SYDE2: variants seen among roughly 807,000 people sequenced by gnomAD.
SYDE2 encodes synapse defective Rho GTPase homolog 2, also known as rho GTPase-activating protein SYDE2.
SYDE2 carries 76 observed loss-of-function variants against 91.5 expected under a neutral mutation model. The observed-to-expected ratio is 0.83, with a 90% CI of 0.69 to 1.01. The LOEUF (loss-of-function observed/expected upper bound fraction) is 1.01. Among genes scored for constraint, SYDE2 ranks in the 50% least tolerant of loss-of-function variants. The probability of loss-of-function intolerance (pLI) is 0.00; values close to 1 mark genes in which losing one functional copy is unlikely to be tolerated. For synonymous variants in SYDE2, 513 were observed against 506.4 expected (o/e 1.01, Z -0.18); for missense variants, 1,364 against 1,367.7 (o/e 1.00, Z 0.04).
Position 85,190,647 on chromosome 1 carries a change from A to G in SYDE2, c.851T>C (p.Val284Ala), listed in dbSNP as rs752161717. The change falls in exon 2 of 7, where the codon GTT becomes GCT. Residue 284 changes from valine (V) to alanine (A), a missense_variant. Transcript: ENST00000341460. ...RGHKPLNSIT[V>A]SKKRNWLYQS... ...ATATAGCCAATTGCGTTTCTTTGAA[A>G]CAGTGATGCTGTTAAGTGGCTTATG... The G allele has an allele frequency of 6.2e-6, 10 of 1,613,848 alleles. No individual in the cohort carries two copies. In the African/African-American group the frequency reaches 9.3e-5, roughly 15 times the overall value.
chr1:85,194,826 C>T (rs1044731386), intron 1 of SYDE2: 11 of 985,346 alleles, frequency 1.1e-5, no homozygotes, highest in Non-Finnish European at 1.3e-5. Context: ...ATGCCATCAG[C>T]AAATTTTCCA....
chr1:85,189,594 G>T (rs973552193), intron 2 of SYDE2, among the ~76,000 whole-genome samples: 1 of 152,170 alleles, frequency 6.6e-6, no homozygotes, highest in African/African-American at 2.4e-5. Flanking sequence ...CCAGCACTTT[G>T]GGAGGCCAAA....
Position 85,182,606 on chromosome 1 carries a change from G to T in SYDE2, c.2036C>A (p.Ser679Tyr). The T allele has an allele frequency of 6.2e-7, 1 of 1,613,894 alleles. No homozygotes were observed. The highest frequency in any genetic ancestry group is 1.3e-5 in the African/African-American group (1 of 75,044). Residue 679 changes from serine (S) to tyrosine (Y), a missense_variant, in exon 3 of 7, where the codon TCT becomes TAT. Physicochemically the swap from Ser to Tyr is moderately radical, Grantham distance 144 (BLOSUM62 -2). Transcript: ENST00000341460. ...ATAGAAATGTACACTCATGAGCCCA[G>T]ATATGTACTGTGAACACTTAGGTTG... ...SDQPKCSQYI[S>Y]GLMSVHFYGA...
Position 85,183,016 on chromosome 1 carries a change from C to T in SYDE2, c.1626G>A (p.Lys542=), listed in dbSNP as rs780098089. 6.2e-7 allele frequency: 1 copy of T among 1,612,810 alleles called. No individual in the cohort carries two copies. Among genetic ancestry groups the T allele is most frequent in the African/African-American group, 1.3e-5 (1 of 74,810 alleles). The change falls in exon 3 of 7, where the codon AAG becomes AAA. Residue 542 remains lysine (K), a synonymous_variant. Transcript: ENST00000341460. ...KMKKLPEFSR[K]LSVKGTLNYI... ...AATTCAATGTTCCCTTAACGCTTAGCTTTCGGCTAAATTCTGGCAACTTTT... is the reference window on the plus strand; with the variant it reads ...AATTCAATGTTCCCTTAACGCTTAGTTTTCGGCTAAATTCTGGCAACTTTT...
chr1:85,167,516 A>G (rs986045699), intron 5 of SYDE2, among the ~76,000 whole-genome samples: 5 of 152,174 alleles, frequency 3.3e-5, no homozygotes, highest in African/African-American at 1.2e-4. Flanking sequence ...ATGCAGTGGC[A>G]TGATCTCGGC....
At position 85,190,711 on chromosome 1, in the gene SYDE2, C is replaced by A. The variant is rs1459355157; in HGVS notation, c.787G>T (p.Glu263Ter). 2 of 1,612,518 alleles carry A rather than the reference C, an allele frequency of 1.2e-6. No individual in the cohort carries two copies. Among genetic ancestry groups the A allele is most frequent in the Non-Finnish European group, 1.7e-6 (2 of 1,179,424 alleles). The change falls in exon 2 of 7, where the codon GAA becomes TAA. Residue 263 changes from glutamate (E) to a stop codon, truncating the protein, a stop_gained. Coordinates refer to ENST00000341460, the MANE Select transcript of SYDE2 (RefSeq NM_032184.2). LOFTEE classifies it high-confidence loss of function. Reference protein sequence around the residue: ...NAYGSSMKGRELEELKDNIEF... With the variant: ...NAYGSSMKGR ...ATATTATCCTTCAGCTCTTCAAGTT[C>A]TCTTCCCTTCATTGAAGACCCATAG...
At chr1:85,187,714 T>C (rs1658204125) in intron 2 of SYDE2, among the ~76,000 whole-genome samples, 1 of 151,744 alleles carries the variant, frequency 6.6e-6, no homozygotes. Context: ...ATTTCCTTTG[T>C]AGGGACATGG....
intron 2 of SYDE2, 30 bp downstream of exon 2, chr1:85,190,023 GAAGA>G (rs1356582261): frequency 6.1e-6 from 9 of 1,463,586 alleles, no homozygotes; most frequent in East Asian, 4.6e-5. Context: ...AAAAATGGAA[GAAGA>G]AAGAAAGACA....
In SYDE2 at chr1:85,157,636, T is replaced by C. The variant is rs1656914029; in HGVS notation, c.*1114A>G. On this transcript the variant is annotated 3_prime_UTR_variant, in exon 7 of 7. Coordinates refer to ENST00000341460, the MANE Select transcript of SYDE2 (RefSeq NM_032184.2). ...ACTTTTCCCAGGGGACATTGTGACT[T>C]TCTGTGAATAAAGGAAAGAAAGTCT... 1 of 152,182 alleles carries C rather than the reference T, an allele frequency of 6.6e-6. No homozygotes were observed. The highest frequency in any genetic ancestry group is 1.5e-5 in the Non-Finnish European group (1 of 68,014). The allele number at this position is 152,182 out of a possible 1,614,324, so 9.4% of individuals were successfully genotyped here.
At chr1:85,200,132 C>T in intron 1 of SYDE2, 120 bp downstream of exon 1, 3 of 1,540,430 alleles carry the variant, frequency 1.9e-6, no homozygotes, top group African/African-American at 1.4e-5. Flanking sequence ...ATGACACTTA[C>T]TTTCGCCCGG....
At chr1:85,154,123 C>G (rs558634909), downstream of SYDE2, 2 of 152,098 alleles carry the variant, frequency 1.3e-5, no homozygotes, top group South Asian at 4.2e-4. Context: ...TACCAAAGTC[C>G]TCAAGTGAGT....
chr1:85,179,472 T>C (rs936638211), intron 3 of SYDE2, among the ~76,000 whole-genome samples: 34 of 152,308 alleles, frequency 2.2e-4, no homozygotes, highest in African/African-American at 6.7e-4. Flanking sequence ...TAGGTATTAA[T>C]TGAAAGATAG....
At chr1:85,188,015 A>T (rs1658220383) in intron 2 of SYDE2, among the ~76,000 whole-genome samples, 1 of 151,730 alleles carries the variant, frequency 6.6e-6, no homozygotes, top group African/African-American at 2.4e-5. Context: ...GTATAATAAT[A>T]ATTAAATTAA....
chr1:85,165,637 G>A (rs1286501106), intron 5 of SYDE2, among the ~76,000 whole-genome samples: 1 of 151,028 alleles, frequency 6.6e-6, no homozygotes, highest in Admixed American at 6.6e-5. Context: ...AAGAAGAATA[G>A]TACAGTTAGA....
At position 85,200,950 on chromosome 1, in the gene SYDE2, C is replaced by A. The variant is rs532518453; in HGVS notation, c.47G>T (p.Gly16Val). Residue 16 changes from glycine (G) to valine (V), a missense_variant, in exon 1 of 7, where the codon GGC becomes GTC. By Grantham distance (109) the Gly-to-Val change is moderately radical (BLOSUM62 -3). Coordinates refer to ENST00000341460, the MANE Select transcript of SYDE2 (RefSeq NM_032184.2). Reference protein sequence around the residue: ...PDSGARRGGRGLADHSFPAGA... With the variant: ...PDSGARRGGRVLADHSFPAGA... ...CGCGGGGAAGCTGTGATCCGCCAAG[C>A]CCCTGCCGCCCCGCCGCGCGCCCGA... The A allele has an allele frequency of 3.3e-4, 432 of 1,294,162 alleles. 1 individual carries two copies. The East Asian group carries it at 0.012, about 37-fold the overall frequency. The allele number at this position is 1,294,162 out of a possible 1,614,324, so 80.2% of individuals were successfully genotyped here.
chr1:85,176,771 A>C (rs1179715566), intron 4 of SYDE2, among the ~76,000 whole-genome samples: 4 of 152,182 alleles, frequency 2.6e-5, no homozygotes, highest in African/African-American at 7.2e-5. Context: ...AAGGGTTGAG[A>C]AGAAGCAAAT....
intron 5 of SYDE2, among the ~76,000 whole-genome samples, chr1:85,168,179 C>T (rs1180224913): frequency 1.3e-5 from 2 of 152,014 alleles, no homozygotes; most frequent in African/African-American, 4.8e-5. Flanking sequence ...TCCACCCACC[C>T]CCTTAAACTT....
At chr1:85,175,650 A>G (rs1657669974) in intron 4 of SYDE2, among the ~76,000 whole-genome samples, 1 of 152,190 alleles carries the variant, frequency 6.6e-6, no homozygotes, top group Admixed American at 6.5e-5. Flanking sequence ...TCATTTCATT[A>G]ATTTCTCATT....
Position 85,158,828 on chromosome 1 carries a change from ATCTT to A in SYDE2, c.3503_3506del (p.Lys1168IlefsTer9), listed in dbSNP as rs1221239505. 1 of 775,018 alleles carries A rather than the reference ATCTT, an allele frequency of 1.3e-6. No homozygotes were observed. Among genetic ancestry groups the A allele is most frequent in the South Asian group, 1.4e-5 (1 of 72,614 alleles). 48.0% of individuals were successfully genotyped at this position (775,018 alleles called of 1,614,324 possible). A position where few individuals can be genotyped will look rare whatever the true frequency, so the allele number is the denominator to read the frequency against. ...TCAAAGTATCAATACTTTCTTGTAG[ATCTT>A]TGAGATTGTTTTTTCGATCCACTGT... On this transcript the variant is annotated frameshift_variant, in exon 7 of 7. Transcript: ENST00000341460. LOFTEE classifies it high-confidence loss of function.
Sources: gnomAD v4.1 joint callset for allele counts (sites outside exome capture counted in the v4.1 genomes callset) on GRCh38, gnomAD v4.1.1 for gene constraint, MANE v1.5 for transcripts, NCBI Gene and HGNC (gene_info 2026-07-23, HGNC 2026-07-21) for gene names.